The following SCIN variants were observed in gnomAD, a reference collection of about 807,000 sequenced individuals.
The protein encoded by SCIN is scinderin.
A neutral mutation model predicts 91.8 loss-of-function variants in SCIN; 91 were observed. That is an observed-to-expected ratio of 0.99 (90% confidence interval 0.84 to 1.18). The LOEUF (loss-of-function observed/expected upper bound fraction) is 1.18, where lower values mean the gene tolerates loss of function less well. Ranked by LOEUF, SCIN falls within the 50% of genes most tolerant of loss-of-function variation. The probability of loss-of-function intolerance (pLI) is 0.00; values close to 1 mark genes in which losing one functional copy is unlikely to be tolerated. For missense variants in SCIN, 1,087 were observed against 863.9 expected (o/e 1.26, Z -3.24); for synonymous variants, 367 against 312.6 (o/e 1.17, Z -1.84).
rs1445636616 is a variant in SCIN, at chr7:12,622,878, G to A, written c.744G>A (p.Met248Ile). 4.3e-6 allele frequency: 7 copies of A among 1,611,912 alleles called. No homozygotes were observed. The South Asian group carries it at 7.7e-5, about 18-fold the overall frequency. ...TAGCAGACATAAGTAACAGGAAAAT[G>A]GCTAAACTATACATGGTGAGTTCAC... is the stretch of plus-strand genomic sequence containing the variant. ...DIIADISNRK[M>I]AKLYMVSDAS... The change falls in exon 5 of 16, where the codon ATG becomes ATA. Residue 248 changes from methionine to isoleucine, a missense_variant. Transcript: ENST00000297029.
chr7:12,638,668 G>C (rs1332722634), intron 10 of SCIN, among the ~76,000 whole-genome samples: 1 of 152,148 alleles, frequency 6.6e-6, no homozygotes, highest in Non-Finnish European at 1.5e-5. Flanking sequence ...AGAACATAAA[G>C]TATAAGATGT....
At chr7:12,638,718 C>A (rs1783800925) in intron 10 of SCIN, among the ~76,000 whole-genome samples, 1 of 152,162 alleles carries the variant, frequency 6.6e-6, no homozygotes, top group African/African-American at 2.4e-5. Context: ...TCCTTTCCAT[C>A]TTGATACAAG....
intron 7 of SCIN, chr7:12,626,085 C>A: frequency 2.2e-6 from 1 of 460,236 alleles, no homozygotes; most frequent in South Asian, 3.9e-5. Context: ...CCTCCACAGC[C>A]TTTAATTCAA....
intron 3 of SCIN, among the ~76,000 whole-genome samples, chr7:12,593,371 G>C (rs554173376): frequency 6.6e-6 from 1 of 152,098 alleles, no homozygotes; most frequent in Non-Finnish European, 1.5e-5. Flanking sequence ...TGTGGGGTTT[G>C]AGAGCCATCT....
chr7:12,627,494 G>T (rs1219329611), intron 8 of SCIN, among the ~76,000 whole-genome samples: 1 of 152,028 alleles, frequency 6.6e-6, no homozygotes, highest in Non-Finnish European at 1.5e-5. Flanking sequence ...ATTTCTCCTA[G>T]AGCTCTCATC....
At chr7:12,627,987 A>G (rs1783562893) in intron 8 of SCIN, among the ~76,000 whole-genome samples, 1 of 152,030 alleles carries the variant, frequency 6.6e-6, no homozygotes, top group Non-Finnish European at 1.5e-5. Flanking sequence ...ATTTCAAAGC[A>G]AAGAGTCTGC....
chr7:12,618,684 G>A (rs1458758767), intron 4 of SCIN, among the ~76,000 whole-genome samples: 1 of 152,032 alleles, frequency 6.6e-6, no homozygotes, highest in Non-Finnish European at 1.5e-5. Flanking sequence ...AAAATGCCTT[G>A]CAGCAAGTAA....
At chr7:12,638,200 A>G (rs1001416893) in intron 10 of SCIN, among the ~76,000 whole-genome samples, 1 of 152,152 alleles carries the variant, frequency 6.6e-6, no homozygotes, top group African/African-American at 2.4e-5. Flanking sequence ...GTGTGCCCCA[A>G]TGTGTCCGTC....
chr7:12,625,376 A>G (rs1004448420), intron 6 of SCIN, among the ~76,000 whole-genome samples: 3 of 151,324 alleles, frequency 2.0e-5, no homozygotes, highest in African/African-American at 7.3e-5. Context: ...TTTACAAATA[A>G]CGTTTTTTCC....
chr7:12,631,550 A>G (rs1783643709), intron 9 of SCIN, among the ~76,000 whole-genome samples: 2 of 152,116 alleles, frequency 1.3e-5, no homozygotes, highest in South Asian at 2.1e-4. Flanking sequence ...TAATGGATGA[A>G]TGGGTTATCA....
chr7:12,625,182 A>G, intron 6 of SCIN, 40 bp downstream of exon 6: 1 of 1,554,340 alleles, frequency 6.4e-7, no homozygotes. Flanking sequence ...TCAGATTTAT[A>G]GATATTTCCT....
In SCIN at chr7:12,625,451, T is replaced by TTTTC. The variant is rs1554295412; in HGVS notation, c.892+309_892+310insTTTC. Among the ~76,000 whole-genome samples, 42 of 146,718 alleles carry TTTTC rather than the reference T, an allele frequency of 2.9e-4. 1 individual carries two copies. Among genetic ancestry groups the TTTTC allele is most frequent in the South Asian group, 2.6e-3 (12 of 4,586 alleles). On this transcript the variant is annotated intron_variant, in intron 6 of 15. Coordinates refer to ENST00000297029, the MANE Select transcript of SCIN (RefSeq NM_001112706.3). The stretch of plus-strand genomic sequence containing the variant: ...CTATTCTTTTTTTTTTTTTTTTTTT[T>TTTTC]CCGTCGCCCAGGCTGGAGTGCAGCC...
chr7:12,587,427 G>A (rs1782611040), intron 3 of SCIN, among the ~76,000 whole-genome samples: 1 of 152,158 alleles, frequency 6.6e-6, no homozygotes, highest in South Asian at 2.1e-4. Context: ...CTTCGTTGAG[G>A]TGTAGTCATT....
rs1052108357 is a variant in SCIN, at chr7:12,657,711, T to C, written c.*4996T>C. ...TGGGCCTTTGCAGCCTGTGTTGTTTTTCTCTTTTTCATATTGATGTGAAAA... is the reference window on the plus strand; with the variant it reads ...TGGGCCTTTGCAGCCTGTGTTGTTTCTCTCTTTTTCATATTGATGTGAAAA... On this transcript the variant is annotated 3_prime_UTR_variant, in exon 16 of 16. Transcript: ENST00000297029. 1 of 150,660 alleles carries C rather than the reference T, an allele frequency of 6.6e-6. No homozygotes were observed. The highest frequency in any genetic ancestry group is 1.5e-5 in the Non-Finnish European group (1 of 67,658). The allele number at this position is 150,660 out of a possible 1,614,324, so 9.3% of individuals were successfully genotyped here. A position where few individuals can be genotyped will look rare whatever the true frequency, so the allele number is the denominator to read the frequency against.
At chr7:12,604,485 G>A in intron 3 of SCIN, 29 bp from the exon 4 acceptor site, 1 of 1,547,228 alleles carries the variant, frequency 6.5e-7, no homozygotes, top group Non-Finnish European at 8.7e-7. Flanking sequence ...CATATTCTTA[G>A]GGTCAACAGA....
chr7:12,620,664 A>T (rs568175705), intron 4 of SCIN, among the ~76,000 whole-genome samples: 18 of 152,250 alleles, frequency 1.2e-4, no homozygotes, highest in Admixed American at 7.2e-4. Flanking sequence ...TGGGTAGGAG[A>T]TCCAAATTGG....
intron 6 of SCIN, 61 bp downstream of exon 6, chr7:12,625,203 A>G: frequency 7.4e-7 from 1 of 1,353,648 alleles, no homozygotes; most frequent in South Asian, 1.6e-5. Context: ...CTATAAGGGT[A>G]AATAAAATAT....
rs1363270040 is a variant in SCIN at position 12,581,136 on chromosome 7, G to A, written c.431G>A (p.Gly144Asp). The change falls in exon 3 of 16, where the codon GGT (glycine) becomes GAT (aspartate). Residue 144 changes from glycine to aspartate, a missense_variant. Physicochemically the swap from Gly to Asp is moderately conservative, Grantham distance 94 (BLOSUM62 -1). Coordinates refer to ENST00000297029, the MANE Select transcript of SCIN (RefSeq NM_001112706.3). ...LTAKRLLHVK[G>D]RRVVRATEVP... ...GCCAAGAGGCTCCTACATGTGAAGG[G>A]TCGTAGAGTGGTGAGAGCCACAGAA... 6.4e-7 allele frequency: 1 copy of A among 1,551,368 alleles called. No homozygotes were observed. The highest frequency in any genetic ancestry group is 1.4e-5 in the African/African-American group (1 of 73,016).
chr7:12,602,726 C>T (rs1038128322), intron 3 of SCIN, among the ~76,000 whole-genome samples: 2 of 152,162 alleles, frequency 1.3e-5, no homozygotes, highest in African/African-American at 2.4e-5. Flanking sequence ...TCTTTTTGCC[C>T]GACCCTGCAG....
Sources: allele counts gnomAD v4.1 joint callset (sites outside exome capture counted in the v4.1 genomes callset), GRCh38; gene constraint gnomAD v4.1.1; transcripts MANE v1.5; gene names NCBI Gene and HGNC (gene_info 2026-07-23, HGNC 2026-07-21).